PCNX2: variants seen among roughly 807,000 people sequenced by gnomAD.
PCNX2 encodes the protein pecanex 2.
Under a neutral mutation model 223.8 loss-of-function variants are expected in PCNX2, and 168 were observed. That is an observed-to-expected ratio of 0.75 (90% CI 0.66 to 0.85). The LOEUF (loss-of-function observed/expected upper bound fraction) is 0.85. Among genes scored for constraint, PCNX2 ranks in the 40% least tolerant of loss-of-function variants. The pLI is 0.00. For synonymous variants in PCNX2, 1,006 were observed against 1,052.6 expected, an observed-to-expected ratio of 0.96 and a Z score of 0.86; for missense variants, 2,507 against 2,675.5, an observed-to-expected ratio of 0.94 and a Z score of 1.39.
intron 26 of PCNX2, among the ~76,000 whole-genome samples, chr1:233,017,921 G>C (rs1391931375): frequency 1.3e-5 from 2 of 152,196 alleles, no homozygotes; most frequent in East Asian, 3.9e-4. Context: ...GTGGTTCCTA[G>C]GCTAGGTTGA....
rs1247823122 is a variant in PCNX2, at chr1:233,161,358, A to C, written c.3279T>G (p.Asp1093Glu). 1 of 1,613,622 alleles carries C rather than the reference A, an allele frequency of 6.2e-7. No individual in the cohort carries two copies. The highest frequency in any genetic ancestry group is 2.2e-5 in the East Asian group (1 of 44,858). ...LPKKMKDSVT[D>E]VLKWDLIVCA... ...AGACGATGAGATCCCATTTTAAGAC[A>C]TCCGTCTGGAAAGAGAAAACCAGCG... Residue 1093 changes from aspartate (D) to glutamate (E), a missense_variant, in exon 18 of 34, where the codon GAT becomes GAG. Around this residue, in one of 3 missense-constraint regions of PCNX2, gnomAD observed 1,372 missense variants for 1,509.4 expected, o/e 0.91. Transcript: ENST00000258229.
intron 8 of PCNX2, among the ~76,000 whole-genome samples, chr1:233,245,451 TGCAGG>T (rs1659048829): frequency 6.7e-6 from 1 of 148,828 alleles, no homozygotes; most frequent in Non-Finnish European, 1.5e-5. Context: ...TGGAGGAGCC[TGCAGG>T]GAATCACCTA....
chr1:233,171,784 C>T lies in PCNX2; in HGVS notation c.3273+6018G>A, dbSNP rs539514037. Among the ~76,000 whole-genome samples, 5 of 152,242 alleles carry T rather than the reference C, an allele frequency of 3.3e-5. No homozygotes were observed. The South Asian group carries it at 1.0e-3, about 32-fold the overall frequency. ...CATCAAATATTGATTATGCTTCAGT[C>T]TCTCTCTCTTTTTCAAGGAATTCTG... On this transcript the variant is annotated intron_variant, in intron 17 of 33. Transcript: ENST00000258229.
chr1:233,043,775 T>C (rs1244934452), intron 25 of PCNX2, among the ~76,000 whole-genome samples: 1 of 141,940 alleles, frequency 7.0e-6, no homozygotes, highest in Non-Finnish European at 1.5e-5. Flanking sequence ...CCATGGTGTA[T>C]ATGTGTCACA....
chr1:232,994,705 G>A (rs1162736028), intron 32 of PCNX2, among the ~76,000 whole-genome samples: 1 of 152,182 alleles, frequency 6.6e-6, no homozygotes, highest in Non-Finnish European at 1.5e-5. Flanking sequence ...GGGACCTGGT[G>A]GGAGGTGATT....
At chr1:233,094,936 A>G (rs932340542) in intron 22 of PCNX2, among the ~76,000 whole-genome samples, 3 of 152,182 alleles carry the variant, frequency 2.0e-5, no homozygotes, top group African/African-American at 7.2e-5. Context: ...TCCTCCAGGG[A>G]TTCTGATGCA....
chr1:232,991,954 GAAC>G lies in PCNX2; in HGVS notation c.5792-5417_5792-5415del, dbSNP rs1382644912. On this transcript the variant is annotated intron_variant, in intron 32 of 33. Coordinates refer to ENST00000258229, the MANE Select transcript of PCNX2 (RefSeq NM_014801.4). This position sits in a 1 kb window ranked among gnomAD's most constrained non-coding sequence, Gnocchi z 4.3. ...GAGCTGAAGCCATCATTCAACAGAA[GAAC>G]AACGTGAACTGATTTAAGTTTAAAT... Among the ~76,000 whole-genome samples, 3 of 152,180 alleles carry G rather than the reference GAAC, an allele frequency of 2.0e-5. No individual in the cohort carries two copies. The highest frequency in any genetic ancestry group is 4.4e-5 in the Non-Finnish European group (3 of 68,036).
intron 15 of PCNX2, among the ~76,000 whole-genome samples, chr1:233,190,272 C>T (rs1452388477): frequency 2.6e-5 from 4 of 152,036 alleles, no homozygotes; most frequent in Non-Finnish European, 5.9e-5. Context: ...ACAAAAGCAT[C>T]GTTAAACAAG....
chr1:233,193,014 ATAT>A, intron 15 of PCNX2, among the ~76,000 whole-genome samples: 1 of 147,330 alleles, frequency 6.8e-6, no homozygotes, highest in South Asian at 2.1e-4. Context: ...ATATAATTAT[ATAT>A]TATTTTAATA....
chr1:233,227,575 A>C (rs561635559), intron 9 of PCNX2, among the ~76,000 whole-genome samples: 1 of 152,352 alleles, frequency 6.6e-6, no homozygotes, highest in East Asian at 1.9e-4. Context: ...ATAATGATCA[A>C]CAAAAAGCGC....
intron 19 of PCNX2, 70 bp downstream of exon 19, chr1:233,160,213 C>T: frequency 1.3e-6 from 2 of 1,500,792 alleles, no homozygotes; most frequent in South Asian, 2.3e-5. Context: ...GACTGTTGCA[C>T]ATGCTCTCCG....
intron 19 of PCNX2, among the ~76,000 whole-genome samples, chr1:233,148,169 T>G (rs1191153041): frequency 2.0e-5 from 3 of 152,178 alleles, no homozygotes; most frequent in East Asian, 1.9e-4. Context: ...GTGTTTACAC[T>G]ATGAGCACAC....
At chr1:233,016,850 G>C in intron 27 of PCNX2, 71 bp downstream of exon 27, 4 of 1,551,390 alleles carry the variant, frequency 2.6e-6, no homozygotes, top group Non-Finnish European at 3.5e-6. Context: ...ATAAGAAAGA[G>C]ATGGACATGA....
At chr1:233,010,272 G>A (rs1288985653) in intron 28 of PCNX2, among the ~76,000 whole-genome samples, 1 of 152,200 alleles carries the variant, frequency 6.6e-6, no homozygotes, top group African/African-American at 2.4e-5. Flanking sequence ...TGGGTAGATG[G>A]TAGATGGAGT....
At chr1:233,084,577 C>CA (rs1673509728) in intron 23 of PCNX2, among the ~76,000 whole-genome samples, 1 of 152,118 alleles carries the variant, frequency 6.6e-6, no homozygotes, top group African/African-American at 2.4e-5. Context: ...CATATCAAAA[C>CA]AAAATCTCTG....
At chr1:233,114,009 C>T (rs1043498704) in intron 21 of PCNX2, among the ~76,000 whole-genome samples, 2 of 152,096 alleles carry the variant, frequency 1.3e-5, no homozygotes, top group African/African-American at 2.4e-5. Flanking sequence ...CTATCAGTAA[C>T]CAAAAGAGAC....
intron 23 of PCNX2, among the ~76,000 whole-genome samples, chr1:233,080,873 T>C (rs1673327968): frequency 1.3e-5 from 2 of 152,194 alleles, no homozygotes; most frequent in Admixed American, 6.5e-5. Flanking sequence ...TGTGTATCCA[T>C]CTGGACAACT....
intron 8 of PCNX2, among the ~76,000 whole-genome samples, chr1:233,237,823 C>G (rs1190386883): frequency 2.0e-5 from 3 of 152,118 alleles, no homozygotes; most frequent in Admixed American, 2.0e-4. Flanking sequence ...AAATCCTGGT[C>G]TTTAAGCCAT....
chr1:233,275,698 T>C (rs1222995062), intron 1 of PCNX2, among the ~76,000 whole-genome samples: 2 of 152,150 alleles, frequency 1.3e-5, no homozygotes, highest in Admixed American at 1.3e-4. Context: ...CTCAAAGAGA[T>C]ACTTGTACCC....
Sources: gnomAD v4.1 joint callset for allele counts (sites outside exome capture counted in the v4.1 genomes callset) on GRCh38, gnomAD v4.1.1 for gene constraint, gnomAD v4.1.1 regional missense constraint, Gnocchi (gnomAD v3.1) non-coding constraint, MANE v1.5 for transcripts, NCBI Gene and HGNC (gene_info 2026-07-23, HGNC 2026-07-21) for gene names.